Variants in LECT2 observed in about 807,000 individuals in gnomAD.
LECT2 encodes the protein leukocyte cell derived chemotaxin 2.
A neutral mutation model predicts 16.6 loss-of-function variants in LECT2; 11 were observed. That is an observed-to-expected ratio of 0.66 (90% CI 0.42 to 1.09). LECT2 has a LOEUF of 1.09. Ranked by LOEUF, LECT2 falls within the 50% of genes least tolerant of loss-of-function variation. The pLI, the probability that LECT2 is intolerant of heterozygous loss-of-function variation, is 0.00. For missense variants in LECT2, 173 were observed against 184.2 expected, an observed-to-expected ratio of 0.94 and a Z score of 0.35; for synonymous variants, 54 against 64.8, an observed-to-expected ratio of 0.83 and a Z score of 0.80.
rs375084873 is a variant in LECT2 at position 135,951,407 on chromosome 5, C to T, written c.144-39G>A. 66 of 1,579,424 alleles carry T rather than the reference C, an allele frequency of 4.2e-5. 1 individual carries two copies. The Middle Eastern group carries it at 1.5e-3, about 36-fold the overall frequency. On this transcript the variant is annotated intron_variant, in intron 2 of 3. Transcript: ENST00000274507. ...AAGAACGAACAGACTGAGGAACTGCCTTAGGGGAGCTTTACTGCCTGGGAA... is the reference window on the plus strand; with the variant it reads ...AAGAACGAACAGACTGAGGAACTGCTTTAGGGGAGCTTTACTGCCTGGGAA...
intron 1 of LECT2, among the ~76,000 whole-genome samples, chr5:135,954,464 C>G (rs1763833794): frequency 6.6e-6 from 1 of 152,182 alleles, no homozygotes; most frequent in Admixed American, 6.5e-5. Flanking sequence ...TGATTTTGAT[C>G]AAAATCAGAA....
At chr5:135,947,581 TAAAA>T (rs538413153) in intron 3 of LECT2, 84 bp from the exon 4 acceptor site, 9 of 1,334,952 alleles carry the variant, frequency 6.7e-6, no homozygotes, top group South Asian at 3.8e-5. Context: ...GGACAAAAAA[TAAAA>T]AAAAGAATGT....
intron 3 of LECT2, among the ~76,000 whole-genome samples, chr5:135,948,533 A>G (rs1763734526): frequency 6.6e-6 from 1 of 152,128 alleles, no homozygotes. Context: ...TTAGTATTTA[A>G]AAATGTAAAA....
chr5:135,951,547 G>A (rs1265249396), intron 2 of LECT2, 179 bp from the exon 3 acceptor site: 3 of 523,730 alleles, frequency 5.7e-6, no homozygotes, highest in African/African-American at 1.9e-5. Flanking sequence ...CTCCCTCCCC[G>A]CAGGTGCTAA....
At chr5:135,947,617 T>C (rs1017264327) in intron 3 of LECT2, 120 bp from the exon 4 acceptor site, 12 of 1,115,518 alleles carry the variant, frequency 1.1e-5, no homozygotes, top group Non-Finnish European at 1.4e-5. Context: ...AGGAGAGGAA[T>C]AGATGAAAAT....
intron 3 of LECT2, among the ~76,000 whole-genome samples, chr5:135,950,130 A>G (rs1347892880): frequency 6.6e-6 from 1 of 152,232 alleles, no homozygotes; most frequent in Non-Finnish European, 1.5e-5. Context: ...CCCAATAGGA[A>G]TGCATATATA....
Position 135,954,856 on chromosome 5 carries a change from C to T in LECT2, c.-23G>A. ...CATCTGGTTTTACTTCCTTTAGTTT[C>T]TTCCTCTGATTAGAGTTGCCCCCAC... is the stretch of plus-strand genomic sequence containing the variant. On this transcript the variant is annotated 5_prime_UTR_variant, in exon 1 of 4. Coordinates refer to ENST00000274507, the MANE Select transcript of LECT2 (RefSeq NM_002302.3). 2 of 1,594,938 alleles carry T rather than the reference C, an allele frequency of 1.3e-6. No individual in the cohort carries two copies. Among genetic ancestry groups the T allele is most frequent in the Non-Finnish European group, 1.7e-6 (2 of 1,162,670 alleles).
In LECT2 at chr5:135,947,328, G is replaced by A. The variant is rs200771752; in HGVS notation, c.*3C>T. ...TTTGAAGATCTGACCATTGGCCTTC[G>A]ATTTACAGGTATGCAGTAGGGTCAC... On this transcript the variant is annotated 3_prime_UTR_variant, in exon 4 of 4. Coordinates refer to ENST00000274507, the MANE Select transcript of LECT2 (RefSeq NM_002302.3). The A allele has an allele frequency of 2.2e-5, 35 of 1,612,106 alleles. No homozygotes were observed. Among genetic ancestry groups the A allele is most frequent in the Admixed American group, 1.3e-4 (8 of 59,826 alleles).
At chr5:135,951,147 G>T in intron 3 of LECT2, 76 bp downstream of exon 3, 1 of 1,364,176 alleles carries the variant, frequency 7.3e-7, no homozygotes, top group Non-Finnish European at 1.0e-6. Flanking sequence ...AAATCTCTAC[G>T]TATGGAACCT....
At chr5:135,952,071 G>A (rs1763803748) in intron 2 of LECT2, among the ~76,000 whole-genome samples, 2 of 152,172 alleles carry the variant, frequency 1.3e-5, no homozygotes, top group South Asian at 4.1e-4. Flanking sequence ...CACTGAGCAA[G>A]CTCAAGAGCC....
rs31529 is a variant in LECT2, at chr5:135,947,143, T to A, written c.*188A>T. On this transcript the variant is annotated 3_prime_UTR_variant, in exon 4 of 4. Coordinates refer to ENST00000274507, the MANE Select transcript of LECT2 (RefSeq NM_002302.3). ...AATTTTTGTGGGTACATAGGTGTAT[T>A]TGTTTATGAGGTACGTGAGATGTTT... The A allele has an allele frequency of 0.63, 305,810 of 484,962 alleles. 97,421 individuals are homozygous for A. The highest frequency in any genetic ancestry group is 0.71 in the South Asian group (13,975 of 19,640). 30.0% of individuals were successfully genotyped at this position (484,962 alleles called of 1,614,324 possible).
intron 2 of LECT2, chr5:135,951,629 T>C (rs997433685): frequency 5.5e-6 from 2 of 364,112 alleles, no homozygotes; most frequent in East Asian, 8.2e-5. Context: ...AAATATTAGC[T>C]ACTATTATTT....
At position 135,947,148 on chromosome 5, in the gene LECT2, T is replaced by C; in HGVS notation, c.*183A>G. 1.9e-6 allele frequency: 1 copy of C among 519,552 alleles called. No homozygotes were observed. Among genetic ancestry groups the C allele is most frequent in the Non-Finnish European group, 3.3e-6 (1 of 300,530 alleles). 32.2% of individuals were successfully genotyped at this position (519,552 alleles called of 1,614,324 possible). A position where few individuals can be genotyped will look rare whatever the true frequency, so the allele number is the denominator to read the frequency against. On this transcript the variant is annotated 3_prime_UTR_variant, in exon 4 of 4. Coordinates refer to ENST00000274507, the MANE Select transcript of LECT2 (RefSeq NM_002302.3). ...TTGTGGGTACATAGGTGTATTTGTT[T>C]ATGAGGTACGTGAGATGTTTTGATA... is the stretch of plus-strand genomic sequence containing the variant.
In LECT2 at chr5:135,952,943, A is replaced by G. The variant is rs62623707; in HGVS notation, c.71T>C (p.Ile24Thr). ...STALAGPWAN[I>T]CAGKSSNEIR... is the part of the protein sequence containing the mutation. ...CTCATTGGAAGACTTGCCAGCACAT[A>G]TATTAGCCCATGGCCCTGCCAGTGC... is the stretch of plus-strand genomic sequence containing the variant. Residue 24 changes from isoleucine (I) to threonine (T), a missense_variant, in exon 2 of 4, where the codon ATA (isoleucine) becomes ACA (threonine). Physicochemically the swap from Ile to Thr is moderately conservative, Grantham distance 89 (BLOSUM62 -1). Coordinates refer to ENST00000274507, the MANE Select transcript of LECT2 (RefSeq NM_002302.3). 62,163 of 1,613,426 alleles carry G rather than the reference A, an allele frequency of 0.039. 1,407 individuals are homozygous for G. The highest frequency in any genetic ancestry group is 0.045 in the Non-Finnish European group (53,633 of 1,179,306).
In LECT2 at chr5:135,947,340, T is replaced by C. The variant is rs751083068; in HGVS notation, c.447A>G (p.Ala149=). The C allele has an allele frequency of 1.2e-6, 2 of 1,613,746 alleles. No individual in the cohort carries two copies. Among genetic ancestry groups the C allele is most frequent in the South Asian group, 1.1e-5 (1 of 91,002 alleles). Reference sequence around the variant, plus strand: ...ACCATTGGCCTTCGATTTACAGGTATGCAGTAGGGTCACTCGAGTCACAGT... The same window carrying C: ...ACCATTGGCCTTCGATTTACAGGTACGCAGTAGGGTCACTCGAGTCACAGT... ...IENCDSSDPT[A]YL The change falls in exon 4 of 4, where the codon GCA becomes GCG. Residue 149 remains alanine (A), a synonymous_variant. Transcript: ENST00000274507.
intron 1 of LECT2, 28 bp from the exon 2 acceptor site, chr5:135,952,995 C>T (rs765979483): frequency 2.7e-6 from 4 of 1,488,874 alleles, no homozygotes; most frequent in Admixed American, 1.7e-5. Flanking sequence ...GAGAGCAGAG[C>T]TCCTGGCCTC....
intron 1 of LECT2, among the ~76,000 whole-genome samples, chr5:135,953,987 A>G (rs147850731): frequency 1.1e-4 from 17 of 152,338 alleles, no homozygotes; most frequent in East Asian, 7.7e-4. Context: ...TTTCTTTACT[A>G]TAGTAAGCAC....
At chr5:135,953,295 G>A (rs1039090854) in intron 1 of LECT2, among the ~76,000 whole-genome samples, 6 of 151,664 alleles carry the variant, frequency 4.0e-5, no homozygotes, top group Admixed American at 3.9e-4. Context: ...TCCATCTCCT[G>A]GGTTCAAGTG....
At position 135,951,335 on chromosome 5, in the gene LECT2, C is replaced by G; in HGVS notation, c.177G>C (p.Leu59Phe). 1.2e-6 allele frequency: 2 copies of G among 1,613,946 alleles called. No individual in the cohort carries two copies. The highest frequency in any genetic ancestry group is 1.7e-6 in the Non-Finnish European group (2 of 1,179,854). The stretch of plus-strand genomic sequence containing the variant: ...CGTACACAGTAGATCCAGCAGAGCA[C>G]AAGATGTCCACACCCTGGTGAGGCC... ...SQRPHQGVDI[L>F]CSAGSTVYAP... The change falls in exon 3 of 4, where the codon TTG becomes TTC. Residue 59 changes from leucine to phenylalanine, a missense_variant. Physicochemically the swap from Leu to Phe is conservative, Grantham distance 22. Coordinates refer to ENST00000274507, the MANE Select transcript of LECT2 (RefSeq NM_002302.3).
Sources: gnomAD v4.1 joint callset for allele counts (sites outside exome capture counted in the v4.1 genomes callset) on GRCh38, gnomAD v4.1.1 for gene constraint, MANE v1.5 for transcripts, NCBI Gene and HGNC (gene_info 2026-07-23, HGNC 2026-07-21) for gene names.